RUBCNL: variants seen among roughly 807,000 people sequenced by gnomAD.
RUBCNL encodes rubicon like autophagy enhancer, also known as protein associated with UVRAG as autophagy enhancer.
A neutral mutation model predicts 69.5 loss-of-function variants in RUBCNL; 62 were observed. That is an observed-to-expected ratio of 0.89 (90% confidence interval 0.73 to 1.10). RUBCNL has a LOEUF of 1.10. Ranked by LOEUF, RUBCNL falls within the 50% of genes least tolerant of loss-of-function variation. The pLI is 0.00. For synonymous variants in RUBCNL, 291 were observed against 303.6 expected (o/e 0.96, Z 0.43); for missense variants, 768 against 798.1 (o/e 0.96, Z 0.45).
In RUBCNL at chr13:46,363,117, A is replaced by C; in HGVS notation, c.923T>G (p.Leu308Ter). Residue 308 changes from leucine (L) to a stop codon, truncating the protein, a stop_gained and splice_region_variant, in exon 6 of 15, where the codon TTA (leucine) becomes TGA (stop). Coordinates refer to ENST00000429979, the MANE Select transcript of RUBCNL (RefSeq NM_025113.5). LOFTEE classifies it high-confidence loss of function. ...TCCAAACAGTTTCCAAATCTTACCT[A>C]AAATAACAAATTCATCAACATCGCA... ...CKCDVDEFVILELGDFNDITE... is the reference protein window; with the variant it reads ...CKCDVDEFVI 4 of 1,592,732 alleles carry C rather than the reference A, an allele frequency of 2.5e-6. No individual in the cohort carries two copies. Among genetic ancestry groups the C allele is most frequent in the Non-Finnish European group, 2.6e-6 (3 of 1,168,222 alleles).
intron 10 of RUBCNL, 64 bp from the exon 11 acceptor site, chr13:46,350,415 G>A (rs911167487): frequency 1.6e-5 from 19 of 1,164,896 alleles, no homozygotes; most frequent in African/African-American, 4.6e-5. Flanking sequence ...GGTATACCCC[G>A]ACTTCCAATT....
At chr13:46,386,330 C>G (rs2049243673) in intron 1 of RUBCNL, among the ~76,000 whole-genome samples, 1 of 152,176 alleles carries the variant, frequency 6.6e-6, no homozygotes, top group South Asian at 2.1e-4. Flanking sequence ...ATTCTCTGTT[C>G]TCTGCGCGCT....
chr13:46,367,965 C>T (rs1314403119), intron 5 of RUBCNL, 77 bp downstream of exon 5: 30 of 1,356,528 alleles, frequency 2.2e-5, no homozygotes, highest in Non-Finnish European at 2.9e-5. Flanking sequence ...ATATATGCCC[C>T]GTGGATAAGG....
chr13:46,368,748 A>C lies in RUBCNL; in HGVS notation c.603T>G (p.Pro201=). 6.2e-7 allele frequency: 1 copy of C among 1,613,560 alleles called. No homozygotes were observed. The highest frequency in any genetic ancestry group is 8.5e-7 in the Non-Finnish European group (1 of 1,179,556). The part of the protein sequence containing the change: ...NSFSPEVFVL[P]VDVEKENAHF... ...TAGCATTCACCTTTTCTACATCAAC[A>C]GGCAGCACAAATACCTCTGGTGAGA... The change falls in exon 4 of 15, where the codon CCT becomes CCG. Residue 201 remains proline, a synonymous_variant. Coordinates refer to ENST00000429979, the MANE Select transcript of RUBCNL (RefSeq NM_025113.5).
chr13:46,347,927 A>T (rs2048283712), intron 12 of RUBCNL, among the ~76,000 whole-genome samples: 1 of 152,114 alleles, frequency 6.6e-6, no homozygotes, highest in African/African-American at 2.4e-5. Flanking sequence ...CGGGAGGCGG[A>T]GCTTGCAGTG....
chr13:46,357,081 G>A lies in RUBCNL; in HGVS notation c.1266-585C>T, dbSNP rs259698. The stretch of plus-strand genomic sequence containing the variant: ...TGCTAGGCTGGGCACGGTGGCTCAC[G>A]CCTGTAATCCCAGCACTTTGGGAGG... On this transcript the variant is annotated intron_variant, in intron 9 of 14. Transcript: ENST00000429979. 8.6e-3 allele frequency among the ~76,000 whole-genome samples: 1,300 copies of A among 150,444 alleles called. 16 individuals are homozygous for A. The highest frequency in any genetic ancestry group is 0.028 in the African/African-American group (1,134 of 41,216).
At chr13:46,351,191 G>A (rs1344540156) in intron 10 of RUBCNL, among the ~76,000 whole-genome samples, 1 of 152,172 alleles carries the variant, frequency 6.6e-6, no homozygotes, top group Non-Finnish European at 1.5e-5. Flanking sequence ...CTTGAAGGTG[G>A]AGGCTACAGT....
chr13:46,378,888 C>A (rs976007269), intron 1 of RUBCNL, among the ~76,000 whole-genome samples: 1 of 152,154 alleles, frequency 6.6e-6, no homozygotes, highest in Non-Finnish European at 1.5e-5. Flanking sequence ...CAACTGGGGG[C>A]ATCAGAGTAA....
intron 1 of RUBCNL, chr13:46,385,148 G>C (rs1241621421): frequency 3.2e-6 from 1 of 316,090 alleles, no homozygotes; most frequent in Non-Finnish European, 4.6e-6. Context: ...TGTAGCACGT[G>C]TATCAGTCTG....
At position 46,382,827 on chromosome 13, in the gene RUBCNL, G is replaced by A. The variant is rs374985502; in HGVS notation, c.-239+4307C>T. Among the ~76,000 whole-genome samples, 7 of 152,286 alleles carry A rather than the reference G, an allele frequency of 4.6e-5. No individual in the cohort carries two copies. The East Asian group carries it at 7.7e-4, about 17-fold the overall frequency. On this transcript the variant is annotated intron_variant, in intron 1 of 14. Transcript: ENST00000429979. ...TGGGATTACAGGCATGAGCCACCGCGCCTGGCCTATCCATGCTTATCTTTC... is the reference window on the plus strand; with the variant it reads ...TGGGATTACAGGCATGAGCCACCGCACCTGGCCTATCCATGCTTATCTTTC...
intron 12 of RUBCNL, among the ~76,000 whole-genome samples, chr13:46,346,645 A>G (rs1009259061): frequency 6.6e-6 from 1 of 152,208 alleles, no homozygotes; most frequent in African/African-American, 2.4e-5. Flanking sequence ...CCTGAGACCA[A>G]TGCCACGCCA....
At position 46,342,885 on chromosome 13, in the gene RUBCNL, G is replaced by A. The variant is rs981114926; in HGVS notation, c.*500C>T. On this transcript the variant is annotated 3_prime_UTR_variant, in exon 15 of 15. Coordinates refer to ENST00000429979, the MANE Select transcript of RUBCNL (RefSeq NM_025113.5). ...ATTCAAACTCTGAAGTAAATAAAAT[G>A]TGTATGATTGACACAATCACAAAAT... The A allele has an allele frequency of 6.5e-6, 1 of 154,088 alleles. No individual in the cohort carries two copies. The allele number at this position is 154,088 out of a possible 1,614,324, so 9.5% of individuals were successfully genotyped here. A position where few individuals can be genotyped will look rare whatever the true frequency, so the allele number is the denominator to read the frequency against.
chr13:46,385,856 A>G (rs762158152), intron 1 of RUBCNL, among the ~76,000 whole-genome samples: 1 of 152,136 alleles, frequency 6.6e-6, no homozygotes, highest in Non-Finnish European at 1.5e-5. Flanking sequence ...AATTTTCATC[A>G]AAGTTCCTAC....
chr13:46,336,206 T>C lies in RUBCNL; in HGVS notation c.*7179A>G, dbSNP rs550411181. Among the ~76,000 whole-genome samples, 5 of 152,244 alleles carry C rather than the reference T, an allele frequency of 3.3e-5. No homozygotes were observed. The highest frequency in any genetic ancestry group is 2.6e-4 in the Admixed American group (4 of 15,300). On this transcript the variant is annotated 3_prime_UTR_variant, in exon 15 of 15. Coordinates refer to ENST00000429979, the MANE Select transcript of RUBCNL (RefSeq NM_025113.5). ...TTTTGGTTCACGTGGTCTTTAGTAA[T>C]TTACTAAATAACCAAGAAAACCAGG...
At chr13:46,365,211 A>G (rs558016081) in intron 5 of RUBCNL, among the ~76,000 whole-genome samples, 2 of 151,416 alleles carry the variant, frequency 1.3e-5, no homozygotes, top group South Asian at 4.2e-4. Context: ...GCTGAGGCAG[A>G]AGAATGGTTT....
chr13:46,356,475 GGCT>G lies in RUBCNL; in HGVS notation c.1284_1286del (p.Ala429del). The G allele has an allele frequency of 6.2e-7, 1 of 1,613,816 alleles. No individual in the cohort carries two copies. Among genetic ancestry groups the G allele is most frequent in the Non-Finnish European group, 8.5e-7 (1 of 1,179,860 alleles). On this transcript the variant is annotated inframe_deletion, in exon 10 of 15. Coordinates refer to ENST00000429979, the MANE Select transcript of RUBCNL (RefSeq NM_025113.5). ...CACAGCCGGCACAGAAAAAATTCTGGGCTGCCACCACAAGGTCCCTCCTGAATA... is the reference window on the plus strand; with the variant it reads ...CACAGCCGGCACAGAAAAAATTCTGGGCCACCACAAGGTCCCTCCTGAATA...
In RUBCNL at chr13:46,372,469, A is replaced by T; in HGVS notation, c.7T>A (p.Ser3Thr). ...GAATCCTGCCTGACTGTAGATTGTG[A>T]CACCATCTTTCCAGGCTTGTGGCTG... The part of the protein sequence containing the change: MV[S>T]QSTVRQDSPV... The change falls in exon 3 of 15, where the codon TCA becomes ACA. Residue 3 changes from serine (S) to threonine (T), a missense_variant. Transcript: ENST00000429979. 1.2e-6 allele frequency: 2 copies of T among 1,602,630 alleles called. No individual in the cohort carries two copies. The highest frequency in any genetic ancestry group is 1.7e-6 in the Non-Finnish European group (2 of 1,174,286).
rs372241048 is a variant in RUBCNL, at chr13:46,352,495, A to G, written c.1331-2144T>C. On this transcript the variant is annotated intron_variant, in intron 10 of 14. Transcript: ENST00000429979. Reference sequence around the variant, plus strand: ...TGTAGATTCTGAAGATCATTTCCAAATAATGGCTTTAAAAATAAACAAGGC... The same window carrying G: ...TGTAGATTCTGAAGATCATTTCCAAGTAATGGCTTTAAAAATAAACAAGGC... Among the ~76,000 whole-genome samples the G allele has an allele frequency of 1.8e-4, 28 of 152,350 alleles. No homozygotes were observed. In the East Asian group the frequency reaches 3.5e-3, roughly 19 times the overall value.
chr13:46,363,050 A>C lies in RUBCNL; in HGVS notation c.925+65T>G, dbSNP rs554222949. ...CGTAATGTTGTGTGTGATGCATGTT[A>C]GTGTGTGTATGCGGATGGGATTGGG... On this transcript the variant is annotated intron_variant, in intron 6 of 14. Coordinates refer to ENST00000429979, the MANE Select transcript of RUBCNL (RefSeq NM_025113.5). The C allele has an allele frequency of 6.1e-6, 5 of 822,028 alleles. No individual in the cohort carries two copies. The East Asian group carries it at 1.6e-4, about 26-fold the overall frequency. The allele number at this position is 822,028 out of a possible 1,614,324, so 50.9% of individuals were successfully genotyped here.
Sources: gnomAD v4.1 joint callset for allele counts (sites outside exome capture counted in the v4.1 genomes callset) on GRCh38, gnomAD v4.1.1 for gene constraint, MANE v1.5 for transcripts, NCBI Gene and HGNC (gene_info 2026-07-23, HGNC 2026-07-21) for gene names.